The following PRMT8 variants were observed in gnomAD, a reference collection of about 807,000 sequenced individuals.
PRMT8 encodes protein arginine N-methyltransferase 8.
A neutral mutation model predicts 47.1 loss-of-function variants in PRMT8; 7 were observed. The ratio of observed to expected loss-of-function variants is 0.15; its 90% CI spans 0.08 to 0.28. The LOEUF (loss-of-function observed/expected upper bound fraction) is 0.28. Among genes scored for constraint, PRMT8 ranks in the 10% least tolerant of loss-of-function variants. PRMT8 has a pLI of 1.00. For synonymous variants in PRMT8, 188 were observed against 186.5 expected (o/e 1.01, Z -0.07); for missense variants, 237 against 505.4 (o/e 0.47, Z 5.09).
chr12:3,571,162 C>T (rs1229405031), intron 6 of PRMT8, among the ~76,000 whole-genome samples: 1 of 152,172 alleles, frequency 6.6e-6, no homozygotes, highest in Non-Finnish European at 1.5e-5. Flanking sequence ...TAGCTAAGCC[C>T]CTTTCTGCCC....
rs377738199 is a variant in PRMT8, at chr12:3,492,661, A to T, written c.75+961A>T. Among the ~76,000 whole-genome samples the T allele has an allele frequency of 2.6e-5, 4 of 152,150 alleles. No individual in the cohort carries two copies. The East Asian group carries it at 5.8e-4, about 22-fold the overall frequency. On this transcript the variant is annotated intron_variant, in intron 1 of 9. Transcript: ENST00000382622. The surrounding 1 kb of genome is among the most constrained non-coding windows in gnomAD (Gnocchi z 7.5). ...TCCCTCTGACCCCGCTGTCATTACA[A>T]CAACCGGACTATTCCGTAGGCTCTG...
rs149441427 is a variant in PRMT8 at position 3,483,279 on chromosome 12, C to A, written c.49-57327C>A. On this transcript the variant is annotated intron_variant, in intron 1 of 9. Transcript: ENST00000452611. Reference sequence around the variant, plus strand: ...AGGCCCTAGGCAGAAAGAAGCACAGCACAGGAGACAGTTCTCATACTTGCC... The same window carrying A: ...AGGCCCTAGGCAGAAAGAAGCACAGAACAGGAGACAGTTCTCATACTTGCC... Among the ~76,000 whole-genome samples the A allele has an allele frequency of 5.8e-4, 89 of 152,310 alleles. No homozygotes were observed. The East Asian group carries it at 0.017, about 29-fold the overall frequency.
At chr12:3,555,356 C>T (rs1418889440) in intron 4 of PRMT8, among the ~76,000 whole-genome samples, 1 of 152,150 alleles carries the variant, frequency 6.6e-6, no homozygotes, top group Non-Finnish European at 1.5e-5. Context: ...AGAAAGGAGC[C>T]AGGCTGACAA....
intron 1 of PRMT8, among the ~76,000 whole-genome samples, chr12:3,387,307 A>G (rs1472821706): frequency 2.0e-5 from 3 of 152,228 alleles, no homozygotes; most frequent in African/African-American, 7.2e-5. Context: ...CAGGGTAACA[A>G]ATAATCAGAG....
intron 1 of PRMT8, among the ~76,000 whole-genome samples, chr12:3,426,458 C>T (rs946990479): frequency 1.3e-5 from 2 of 152,214 alleles, no homozygotes; most frequent in African/African-American, 4.8e-5. Flanking sequence ...GGGGGCAAGA[C>T]TACTGGTTGA....
In PRMT8 at chr12:3,583,063, G is replaced by A; in HGVS notation, c.834G>A (p.Val278=). The change falls in exon 8 of 10, where the codon GTG becomes GTA. Residue 278 remains valine (V), a synonymous_variant. Transcript: ENST00000382622. The surrounding 1 kb of genome is among the most constrained non-coding windows in gnomAD (Gnocchi z 4.7). Reference sequence around the variant, plus strand: ...CTCTCTTCTCTGGGCTGCAGGAGGTGGACATTTACACAGTGAAGACGGAAG... The same window carrying A: ...CTCTCTTCTCTGGGCTGCAGGAGGTAGACATTTACACAGTGAAGACGGAAG... ...VVTNACLIKE[V]DIYTVKTEEL... The A allele has an allele frequency of 1.2e-6, 2 of 1,612,794 alleles. No individual in the cohort carries two copies. The highest frequency in any genetic ancestry group is 2.2e-5 in the East Asian group (1 of 44,838).
At chr12:3,484,377 G>A (rs1865302964) in intron 1 of PRMT8, among the ~76,000 whole-genome samples, 1 of 152,224 alleles carries the variant, frequency 6.6e-6, no homozygotes, top group South Asian at 2.1e-4. Context: ...ACTTTCCTAA[G>A]GCCACCTGGC....
chr12:3,386,504 A>G (rs1313768399), intron 1 of PRMT8, among the ~76,000 whole-genome samples: 3 of 152,232 alleles, frequency 2.0e-5, no homozygotes, highest in Non-Finnish European at 2.9e-5. Flanking sequence ...TGAAGTCGCC[A>G]TGTGGAATTG....
intron 1 of PRMT8, among the ~76,000 whole-genome samples, chr12:3,464,301 C>T (rs1005208892): frequency 6.6e-6 from 1 of 150,574 alleles, no homozygotes; most frequent in African/African-American, 2.4e-5. Context: ...ACACAAACCA[C>T]AAAGACAGTC....
chr12:3,593,074 C>T lies in PRMT8; in HGVS notation c.1102-25C>T. Reference sequence around the variant, plus strand: ...CTTCATACCCAGACGGCCGCCTGACCCTTCGCTCTCTCTCTGCCTTGCAGC... The same window carrying T: ...CTTCATACCCAGACGGCCGCCTGACTCTTCGCTCTCTCTCTGCCTTGCAGC... On this transcript the variant is annotated intron_variant, in intron 9 of 9. Coordinates refer to ENST00000382622, the MANE Select transcript of PRMT8 (RefSeq NM_019854.5). The surrounding 1 kb of genome is among the most constrained non-coding windows in gnomAD (Gnocchi z 4.8). The T allele has an allele frequency of 5.6e-6, 9 of 1,606,226 alleles. No homozygotes were observed. Among genetic ancestry groups the T allele is most frequent in the Non-Finnish European group, 7.7e-6 (9 of 1,173,142 alleles).
intron 1 of PRMT8, among the ~76,000 whole-genome samples, chr12:3,424,060 T>C (rs1203330186): frequency 6.6e-6 from 1 of 152,212 alleles, no homozygotes; most frequent in Non-Finnish European, 1.5e-5. Context: ...CTGGGCTACA[T>C]GCTTGGCTAA....
At chr12:3,452,033 T>C (rs538285100) in intron 1 of PRMT8, among the ~76,000 whole-genome samples, 1 of 152,262 alleles carries the variant, frequency 6.6e-6, no homozygotes, top group African/African-American at 2.4e-5. Context: ...CAATTTTCTT[T>C]AGGAAGAAAG....
At chr12:3,490,721 A>G (rs547472735), upstream of PRMT8, among the ~76,000 whole-genome samples, 1,071 of 95,714 alleles carry the variant, frequency 0.011, 11 homozygotes, top group African/African-American at 0.029. Flanking sequence ...GAGAGAGAGA[A>G]AAGGATAAAG....
At chr12:3,560,126 G>T (rs371253380) in intron 4 of PRMT8, among the ~76,000 whole-genome samples, 9 of 152,188 alleles carry the variant, frequency 5.9e-5, no homozygotes, top group Non-Finnish European at 1.0e-4. Flanking sequence ...GCGAGGCCAC[G>T]CAGGGCCCTG....
At chr12:3,520,348 C>G (rs1272901554) in intron 1 of PRMT8, among the ~76,000 whole-genome samples, 1 of 152,240 alleles carries the variant, frequency 6.6e-6, no homozygotes, top group Non-Finnish European at 1.5e-5. Flanking sequence ...GACAGCTCTT[C>G]AAACCAGCGG....
intron 7 of PRMT8, among the ~76,000 whole-genome samples, chr12:3,578,395 T>C (rs1866989011): frequency 6.6e-6 from 1 of 152,156 alleles, no homozygotes; most frequent in Non-Finnish European, 1.5e-5. Context: ...TGGCTAATTT[T>C]TTTTTTTTTG....
At chr12:3,483,096 C>A (rs1266581702) in intron 1 of PRMT8, among the ~76,000 whole-genome samples, 1 of 152,186 alleles carries the variant, frequency 6.6e-6, no homozygotes, top group Admixed American at 6.5e-5. Context: ...CTTCCGTGAT[C>A]TGTAAAATGG....
intron 9 of PRMT8, among the ~76,000 whole-genome samples, chr12:3,592,776 G>A (rs775984682): frequency 2.0e-5 from 3 of 152,180 alleles, no homozygotes; most frequent in Admixed American, 6.5e-5. Context: ...GGGCATGAGC[G>A]CTAAAAACGT....
rs1864939555 is a variant in PRMT8, at chr12:3,453,216, G to T, written c.48+71774G>T. ...ATGGAAGCTGCTGAAAGGGTGCAGG[G>T]AAGCCACGGTTCCTTCCCTCCCCAC... On this transcript the variant is annotated intron_variant, in intron 1 of 9. Transcript: ENST00000452611. The surrounding 1 kb of genome is among the most constrained non-coding windows in gnomAD (Gnocchi z 4.9). Among the ~76,000 whole-genome samples the T allele has an allele frequency of 6.6e-6, 1 of 152,140 alleles. No individual in the cohort carries two copies. Among genetic ancestry groups the T allele is most frequent in the African/African-American group, 2.4e-5 (1 of 41,420 alleles).
Sources: gnomAD v4.1 joint callset for allele counts (sites outside exome capture counted in the v4.1 genomes callset) on GRCh38, gnomAD v4.1.1 for gene constraint, Gnocchi (gnomAD v3.1) non-coding constraint, MANE v1.5 for transcripts, NCBI Gene and HGNC (gene_info 2026-07-23, HGNC 2026-07-21) for gene names.